The following DAB1 variants were observed in gnomAD, a reference collection of about 807,000 sequenced individuals.
DAB1 encodes disabled homolog 1.
A neutral mutation model predicts 64.6 loss-of-function variants in DAB1; 15 were observed. The ratio of observed to expected loss-of-function variants is 0.23; its 90% CI spans 0.16 to 0.36. DAB1 has a LOEUF of 0.36. Among genes scored for constraint, DAB1 ranks in the 10% least tolerant of loss-of-function variants. DAB1 has a pLI of 1.00. For synonymous variants in DAB1, 235 were observed against 251.9 expected (o/e 0.93, Z 0.64); for missense variants, 596 against 706.7 (o/e 0.84, Z 1.78).
intron 4 of DAB1, among the ~76,000 whole-genome samples, chr1:58,168,666 G>C (rs35592389): frequency 0.04 from 6,052 of 152,084 alleles, 184 homozygotes; most frequent in Admixed American, 0.072. Context: ...AGAGAAGTAG[G>C]CCTAACAAAA....
intron 5 of DAB1, among the ~76,000 whole-genome samples, chr1:58,124,237 C>T (rs1044165287): frequency 2.6e-5 from 4 of 151,636 alleles, no homozygotes; most frequent in African/African-American, 9.7e-5. Flanking sequence ...TATCCCAACA[C>T]CTTATTTACC....
chr1:58,072,743 T>C (rs1473920567), intron 5 of DAB1, among the ~76,000 whole-genome samples: 2 of 152,212 alleles, frequency 1.3e-5, no homozygotes, highest in East Asian at 3.8e-4. Context: ...AAGCGATCAA[T>C]TTAGACAAGA....
At chr1:57,041,174 T>C (rs1647738908) in intron 9 of DAB1, among the ~76,000 whole-genome samples, 1 of 152,248 alleles carries the variant, frequency 6.6e-6, no homozygotes, top group Admixed American at 6.5e-5. Context: ...ATGTTTTTGC[T>C]TTTCTTCTCC....
chr1:57,903,441 C>T (rs1203890678), intron 5 of DAB1, among the ~76,000 whole-genome samples: 1 of 152,004 alleles, frequency 6.6e-6, no homozygotes. Flanking sequence ...GCTTGCTGTC[C>T]TTATTCTTTT....
intron 6 of DAB1, among the ~76,000 whole-genome samples, chr1:57,740,366 TCTTA>T (rs1647926659): frequency 6.6e-6 from 1 of 152,220 alleles, no homozygotes; most frequent in East Asian, 1.9e-4. Flanking sequence ...AACTCTGGTT[TCTTA>T]CTTACTATCC....
At chr1:57,579,813 A>G (rs145460957) in intron 7 of DAB1, among the ~76,000 whole-genome samples, 12 of 152,282 alleles carry the variant, frequency 7.9e-5, no homozygotes, top group Admixed American at 3.9e-4. Context: ...TAATCATATT[A>G]CCTTGGTGAG....
intron 3 of DAB1, among the ~76,000 whole-genome samples, chr1:58,443,525 C>T (rs1346953989): frequency 6.6e-6 from 1 of 152,114 alleles, no homozygotes; most frequent in Non-Finnish European, 1.5e-5. Flanking sequence ...CTGGCAAAAT[C>T]CAAATAAAGT....
chr1:57,398,246 G>A (rs1682968220), intron 1 of DAB1, among the ~76,000 whole-genome samples: 1 of 152,136 alleles, frequency 6.6e-6, no homozygotes. Flanking sequence ...CCATCTTAGG[G>A]AGGTGACAAC....
chr1:58,496,299 C>T (rs1324765136), intron 3 of DAB1, among the ~76,000 whole-genome samples: 1 of 152,082 alleles, frequency 6.6e-6, no homozygotes, highest in Non-Finnish European at 1.5e-5. Flanking sequence ...TACAGCTTCT[C>T]TGTTGAATTC....
intron 2 of DAB1, among the ~76,000 whole-genome samples, chr1:57,178,927 A>G (rs950594044): frequency 6.6e-6 from 1 of 152,132 alleles, no homozygotes; most frequent in Non-Finnish European, 1.5e-5. Context: ...ATAGGTGAAA[A>G]TGATATGCAA....
chr1:58,492,965 A>C (rs1430598190), intron 3 of DAB1, among the ~76,000 whole-genome samples: 1 of 152,220 alleles, frequency 6.6e-6, no homozygotes, highest in Non-Finnish European at 1.5e-5. Context: ...CACAACAAAA[A>C]AAGAGAATTT....
At chr1:57,926,654 C>T (rs1223710226) in intron 5 of DAB1, among the ~76,000 whole-genome samples, 1 of 152,176 alleles carries the variant, frequency 6.6e-6, no homozygotes, top group Non-Finnish European at 1.5e-5. Context: ...AACAAGAATA[C>T]AGATACACTT....
intron 7 of DAB1, among the ~76,000 whole-genome samples, chr1:57,473,334 C>T (rs1687207832): frequency 6.6e-6 from 1 of 152,174 alleles, no homozygotes; most frequent in African/African-American, 2.4e-5. Flanking sequence ...TGATTGCCGC[C>T]CTTCTCTGTA....
intron 5 of DAB1, among the ~76,000 whole-genome samples, chr1:57,934,063 T>TTGTGTGTCTG (rs1644990423): frequency 7.8e-6 from 1 of 128,052 alleles, no homozygotes; most frequent in South Asian, 2.7e-4. Context: ...GCCCAGCTAA[T>TTGTGTGTCTG]TGTGTGTGTG....
chr1:57,175,389 A>T (rs1434418218), intron 2 of DAB1, among the ~76,000 whole-genome samples: 3 of 151,030 alleles, frequency 2.0e-5, no homozygotes, highest in African/African-American at 7.3e-5. Context: ...TAGCAGGAAG[A>T]TTTCTCTGTT....
intron 6 of DAB1, among the ~76,000 whole-genome samples, chr1:57,760,908 G>T (rs1318317057): frequency 2.0e-5 from 3 of 152,140 alleles, no homozygotes; most frequent in Non-Finnish European, 4.4e-5. Context: ...AAGTCACAAA[G>T]CAAGTCTCAA....
intron 7 of DAB1, among the ~76,000 whole-genome samples, chr1:57,478,848 C>G (rs1164252210): frequency 6.6e-6 from 1 of 152,016 alleles, no homozygotes; most frequent in East Asian, 1.9e-4. Context: ...GATCCACCGA[C>G]CTCGGACTCC....
chr1:58,277,517 C>T (rs1165403119), intron 4 of DAB1, among the ~76,000 whole-genome samples: 2 of 152,128 alleles, frequency 1.3e-5, no homozygotes, highest in Admixed American at 6.5e-5. Flanking sequence ...ATGCTCAGTT[C>T]CCAACACACA....
intron 3 of DAB1, among the ~76,000 whole-genome samples, chr1:58,394,843 C>T (rs372888734): frequency 5.3e-5 from 8 of 151,898 alleles, no homozygotes; most frequent in Non-Finnish European, 7.4e-5. Context: ...TACTACTGTA[C>T]GTATTTGTCA....
Sources: gnomAD v4.1 joint callset for allele counts (sites outside exome capture counted in the v4.1 genomes callset) on GRCh38, gnomAD v4.1.1 for gene constraint, MANE v1.5 for transcripts, NCBI Gene and HGNC (gene_info 2026-07-23, HGNC 2026-07-21) for gene names.